NUP93: variants seen among roughly 807,000 people sequenced by gnomAD.
NUP93 encodes the protein nuclear pore complex protein Nup93.
Under a neutral mutation model 107.8 loss-of-function variants are expected in NUP93, and 55 were observed. That is an observed-to-expected ratio of 0.51 (90% confidence interval 0.41 to 0.64). The LOEUF is 0.64. NUP93 is among the 30% of genes least tolerant of loss of function. NUP93 has a pLI of 0.00. For missense variants in NUP93, 937 were observed against 1,044.7 expected, an observed-to-expected ratio of 0.90 and a Z score of 1.42; for synonymous variants, 390 against 397.5, an observed-to-expected ratio of 0.98 and a Z score of 0.22.
At chr16:56,791,063 G>A (rs1470601850) in intron 3 of NUP93, among the ~76,000 whole-genome samples, 1 of 152,118 alleles carries the variant, frequency 6.6e-6, no homozygotes, top group Non-Finnish European at 1.5e-5. Flanking sequence ...AATGAGAGAT[G>A]ATACATGATT....
intron 3 of NUP93, among the ~76,000 whole-genome samples, chr16:56,781,040 A>G (rs930166638): frequency 9.2e-5 from 14 of 152,170 alleles, no homozygotes; most frequent in African/African-American, 3.4e-4. Flanking sequence ...GTAGTCTTCA[A>G]TTTTCAGGTT....
chr16:56,842,761 C>T (rs1964051523), intron 21 of NUP93: 1 of 355,008 alleles, frequency 2.8e-6, no homozygotes, highest in Admixed American at 3.7e-5. Flanking sequence ...CCATGTTGCC[C>T]AGACTGGTCT....
intron 4 of NUP93, among the ~76,000 whole-genome samples, 186 bp downstream of exon 4, chr16:56,798,724 C>T (rs1596812560): frequency 6.6e-6 from 1 of 152,018 alleles, no homozygotes; most frequent in Admixed American, 6.6e-5. Flanking sequence ...AAAAAATTAG[C>T]TAAGCATGGT....
intron 3 of NUP93, among the ~76,000 whole-genome samples, chr16:56,786,262 G>A (rs1962625217): frequency 6.6e-6 from 1 of 152,130 alleles, no homozygotes; most frequent in Admixed American, 6.5e-5. Context: ...TCTGTTGCTG[G>A]CCTTAGGGTT....
intron 5 of NUP93, among the ~76,000 whole-genome samples, chr16:56,816,981 A>G (rs1262608229): frequency 6.6e-6 from 1 of 152,142 alleles, no homozygotes; most frequent in Non-Finnish European, 1.5e-5. Context: ...AAAACCTGCA[A>G]TCACTTTTGC....
rs1241800731 is a variant in NUP93 at position 56,847,650 on chromosome 16, CA to C, written c.*3047del. 5.9e-5 allele frequency: 9 copies of C among 152,106 alleles called. No homozygotes were observed. The highest frequency in any genetic ancestry group is 1.2e-4 in the Non-Finnish European group (8 of 68,020). 9.4% of individuals were successfully genotyped at this position (152,106 alleles called of 1,614,324 possible). A position where few individuals can be genotyped will look rare whatever the true frequency, so the allele number is the denominator to read the frequency against. On this transcript the variant is annotated 3_prime_UTR_variant, in exon 22 of 22. Coordinates refer to ENST00000308159, the MANE Select transcript of NUP93 (RefSeq NM_014669.5). ...TCTTTTGGCTCAACAACAACAGCAACAAAAAACTCTTTGACTCCCCAACTTC... is the reference window on the plus strand; with the variant it reads ...TCTTTTGGCTCAACAACAACAGCAACAAAAACTCTTTGACTCCCCAACTTC...
chr16:56,742,416 G>C (rs1195605648), intron 1 of NUP93, among the ~76,000 whole-genome samples: 1 of 152,180 alleles, frequency 6.6e-6, no homozygotes, highest in African/African-American at 2.4e-5. Context: ...ATAATCCAGA[G>C]AAAAATATTT....
chr16:56,740,445 GCTC>G (rs1373996317), intron 1 of NUP93, among the ~76,000 whole-genome samples: 1 of 150,152 alleles, frequency 6.7e-6, no homozygotes. Flanking sequence ...AGGCAGAGAC[GCTC>G]CTCACTTCCT....
At chr16:56,759,969 C>G (rs1263669502) in intron 3 of NUP93, among the ~76,000 whole-genome samples, 1 of 152,100 alleles carries the variant, frequency 6.6e-6, no homozygotes, top group Admixed American at 6.6e-5. Context: ...GCACTTCATG[C>G]ATTTCGAGTG....
rs879095616 is a variant in NUP93, at chr16:56,815,902, C to CTGCTGCTGCTGCTGCTGCTGG, written c.490-2748_490-2747insCTGCTGGTGCTGCTGCTGCTG. Among the ~76,000 whole-genome samples the CTGCTGCTGCTGCTGCTGCTGG allele has an allele frequency of 5.0e-3, 663 of 133,178 alleles. 1 individual carries two copies. The highest frequency in any genetic ancestry group is 8.2e-3 in the Non-Finnish European group (486 of 59,248). 87.4% of individuals were successfully genotyped at this position (133,178 alleles called of 152,430 possible). A position where few individuals can be genotyped will look rare whatever the true frequency, so the allele number is the denominator to read the frequency against. On this transcript the variant is annotated intron_variant, in intron 5 of 21. Coordinates refer to ENST00000308159, the MANE Select transcript of NUP93 (RefSeq NM_014669.5). ...GCTGCTGCTGCTGCTGCTGCTGGTG[C>CTGCTGCTGCTGCTGCTGCTGG]TGCTGCTGCTGCTGGTGCTGCTGCT...
At chr16:56,836,162 T>C (rs1457692641) in intron 16 of NUP93, among the ~76,000 whole-genome samples, 1 of 142,774 alleles carries the variant, frequency 7.0e-6, no homozygotes, top group Non-Finnish European at 1.6e-5. Flanking sequence ...CTGTTACCAC[T>C]TGCTGTGTGT....
At chr16:56,838,043 C>T (rs1452764019) in intron 18 of NUP93, among the ~76,000 whole-genome samples, 4 of 152,164 alleles carry the variant, frequency 2.6e-5, no homozygotes, top group Admixed American at 1.3e-4. Context: ...CTTTCATCAG[C>T]CCTCTCAAAG....
intron 16 of NUP93, among the ~76,000 whole-genome samples, chr16:56,835,940 A>T (rs1963899746): frequency 6.6e-6 from 1 of 152,052 alleles, no homozygotes; most frequent in African/African-American, 2.4e-5. Context: ...CATCCTGGCT[A>T]ACACGGTGAA....
rs1963758695 is a variant in NUP93, at chr16:56,830,508, C to T, written c.928-20C>T. 1.9e-6 allele frequency: 3 copies of T among 1,549,412 alleles called. No individual in the cohort carries two copies. The highest frequency in any genetic ancestry group is 2.6e-6 in the Non-Finnish European group (3 of 1,137,328). On this transcript the variant is annotated intron_variant, in intron 9 of 21. Transcript: ENST00000308159. ...AGCCTTTCCTTGTTTATTTTGAGCACTTAACTGTTCCTCTTTTAGGATGGA... is the reference window on the plus strand; with the variant it reads ...AGCCTTTCCTTGTTTATTTTGAGCATTTAACTGTTCCTCTTTTAGGATGGA...
At chr16:56,795,506 A>C (rs1962877070) in intron 3 of NUP93, among the ~76,000 whole-genome samples, 1 of 152,094 alleles carries the variant, frequency 6.6e-6, no homozygotes, top group South Asian at 2.1e-4. Context: ...CTGGTTTATT[A>C]ATGTCATTAC....
rs113153261 is a variant in NUP93 at position 56,793,858 on chromosome 16, G to A, written c.298-4618G>A. ...TCACGATGTCAGGAGTTCGCGACCA[G>A]CCTGACCAATATGGTGACACCCTGT... On this transcript the variant is annotated intron_variant, in intron 3 of 21. Coordinates refer to ENST00000308159, the MANE Select transcript of NUP93 (RefSeq NM_014669.5). Among the ~76,000 whole-genome samples, 325 of 152,186 alleles carry A rather than the reference G, an allele frequency of 2.1e-3. 1 individual carries two copies. The highest frequency in any genetic ancestry group is 7.4e-3 in the African/African-American group (308 of 41,510).
chr16:56,802,537 T>C (rs1385570483), intron 4 of NUP93, among the ~76,000 whole-genome samples: 1 of 151,890 alleles, frequency 6.6e-6, no homozygotes, highest in Non-Finnish European at 1.5e-5. Context: ...CTGCAGAATA[T>C]GTATTAGAAA....
At chr16:56,828,918 T>C (rs1441525513) in intron 8 of NUP93, 59 bp from the exon 9 acceptor site, 8 of 1,560,600 alleles carry the variant, frequency 5.1e-6, no homozygotes, top group Admixed American at 3.4e-5. Context: ...GATATGGGCA[T>C]AGAGATGTGT....
chr16:56,774,882 GT>G (rs1370556067), intron 3 of NUP93, among the ~76,000 whole-genome samples: 1 of 149,992 alleles, frequency 6.7e-6, no homozygotes. Flanking sequence ...CCAGATTAAG[GT>G]TTTTTTTGTT....
Sources: gnomAD v4.1 joint callset for allele counts (sites outside exome capture counted in the v4.1 genomes callset) on GRCh38, gnomAD v4.1.1 for gene constraint, MANE v1.5 for transcripts, NCBI Gene and HGNC (gene_info 2026-07-23, HGNC 2026-07-21) for gene names.